The following MAST4 variants were observed in gnomAD, a reference collection of about 807,000 sequenced individuals.
MAST4 encodes the protein microtubule-associated serine/threonine-protein kinase 4.
In MAST4, 89 loss-of-function variants were observed where a neutral mutation model predicts 162.7. The ratio of observed to expected loss-of-function variants is 0.55; its 90% CI spans 0.46 to 0.65. The LOEUF is 0.65. MAST4 is among the 30% of genes least tolerant of loss of function. The pLI, the probability that MAST4 is intolerant of heterozygous loss-of-function variation, is 0.00. For missense variants in MAST4, 3,153 were observed against 3,374.0 expected, an observed-to-expected ratio of 0.93 and a Z score of 1.62; for synonymous variants, 1,479 against 1,361.1, an observed-to-expected ratio of 1.09 and a Z score of -1.91.
rs535627182 is a variant in MAST4 at position 67,096,994 on chromosome 5, G to A, written c.912+1319G>A. On this transcript the variant is annotated intron_variant, in intron 7 of 28. Coordinates refer to ENST00000403625, the MANE Select transcript of MAST4 (RefSeq NM_001164664.2). ...TTGATTCTTATGGCAGTCACTATCA[G>A]TGGTTATTGGCCAATATTTTAGACG... 1.3e-5 allele frequency among the ~76,000 whole-genome samples: 2 copies of A among 152,244 alleles called. 1 individual carries two copies. The highest frequency in any genetic ancestry group is 4.1e-4 in the South Asian group (2 of 4,826).
intron 1 of MAST4, among the ~76,000 whole-genome samples, chr5:66,653,117 C>G (rs1347760885): frequency 6.6e-6 from 1 of 152,146 alleles, no homozygotes; most frequent in South Asian, 2.1e-4. Flanking sequence ...TTAAGTGTTA[C>G]CAGTTGGTAT....
At chr5:67,132,075 G>T in intron 16 of MAST4, 124 bp downstream of exon 16, 1 of 1,085,478 alleles carries the variant, frequency 9.2e-7, no homozygotes, top group Non-Finnish European at 1.3e-6. Context: ...AAAATGAGTT[G>T]TTTTAACAGT....
intron 11 of MAST4, among the ~76,000 whole-genome samples, chr5:67,111,978 T>C (rs1274035494): frequency 1.3e-5 from 2 of 152,092 alleles, no homozygotes; most frequent in African/African-American, 4.8e-5. Flanking sequence ...CTGTCAGTCA[T>C]TGTAGTAGGT....
chr5:66,989,011 A>G (rs1561508456), intron 4 of MAST4, among the ~76,000 whole-genome samples: 1 of 152,176 alleles, frequency 6.6e-6, no homozygotes, highest in Non-Finnish European at 1.5e-5. Flanking sequence ...AATAATTTCT[A>G]TTTTAGATCT....
At chr5:66,719,198 C>G (rs1330879225) in intron 1 of MAST4, among the ~76,000 whole-genome samples, 1 of 152,186 alleles carries the variant, frequency 6.6e-6, no homozygotes, top group Non-Finnish European at 1.5e-5. Context: ...CAAAAGGCAC[C>G]GCCTTGGGTA....
intron 4 of MAST4, among the ~76,000 whole-genome samples, chr5:66,900,604 C>G (rs1762947610): frequency 6.6e-6 from 1 of 151,828 alleles, no homozygotes; most frequent in Admixed American, 6.6e-5. Flanking sequence ...AATTAACTAC[C>G]CTCAATTAAG....
chr5:67,017,700 T>C (rs1486267420), intron 4 of MAST4, among the ~76,000 whole-genome samples: 1 of 150,664 alleles, frequency 6.6e-6, no homozygotes, highest in African/African-American at 2.4e-5. Flanking sequence ...GCCTCCCAGG[T>C]TCAAGTGATT....
chr5:66,928,251 C>T (rs1367152308), intron 4 of MAST4, among the ~76,000 whole-genome samples: 1 of 152,128 alleles, frequency 6.6e-6, no homozygotes, highest in Admixed American at 6.5e-5. Flanking sequence ...TAGACATGGC[C>T]CAATTGAGCA....
chr5:66,829,109 TTGG>T (rs1306724231), intron 3 of MAST4, among the ~76,000 whole-genome samples: 3 of 152,068 alleles, frequency 2.0e-5, no homozygotes, highest in Non-Finnish European at 2.9e-5. Context: ...GTTTGACACT[TTGG>T]TGGTTTGTTT....
chr5:66,675,536 T>C (rs1053566925), intron 1 of MAST4, among the ~76,000 whole-genome samples: 1 of 152,144 alleles, frequency 6.6e-6, no homozygotes, highest in Non-Finnish European at 1.5e-5. Context: ...GTACAAGTCA[T>C]AACTGATTGA....
At chr5:66,834,103 C>G (rs914890426) in intron 3 of MAST4, among the ~76,000 whole-genome samples, 7 of 152,144 alleles carry the variant, frequency 4.6e-5, no homozygotes, top group Admixed American at 4.6e-4. Flanking sequence ...TAATTAAATA[C>G]GGGTATCAGG....
chr5:66,685,286 C>CAAAACAAAAT (rs1248300163), intron 1 of MAST4, among the ~76,000 whole-genome samples: 1 of 150,754 alleles, frequency 6.6e-6, no homozygotes, highest in Non-Finnish European at 1.5e-5. Context: ...CAAAACAAAA[C>CAAAACAAAAT]AAAACAAAAC....
intron 4 of MAST4, chr5:66,959,389 C>A: frequency 1.3e-6 from 1 of 756,244 alleles, no homozygotes; most frequent in Non-Finnish European, 2.5e-6. Context: ...GTACTGACAG[C>A]CTCAGAGCAC....
At chr5:66,735,666 T>C (rs1044871814) in intron 1 of MAST4, among the ~76,000 whole-genome samples, 1 of 152,214 alleles carries the variant, frequency 6.6e-6, no homozygotes, top group African/African-American at 2.4e-5. Flanking sequence ...GTGAATATGT[T>C]TTTATATGTA....
chr5:66,841,008 T>C (rs924112589), intron 3 of MAST4, among the ~76,000 whole-genome samples: 6 of 152,358 alleles, frequency 3.9e-5, no homozygotes, highest in East Asian at 1.9e-4. Flanking sequence ...GTTTGAATGT[T>C]GGCCCACCAC....
chr5:67,054,586 C>G, intron 5 of MAST4, 94 bp downstream of exon 5: 1 of 1,100,876 alleles, frequency 9.1e-7, no homozygotes, highest in Non-Finnish European at 1.3e-6. Flanking sequence ...TATGTCTTCA[C>G]ATGTTATCTT....
chr5:66,773,166 G>C lies in MAST4; in HGVS notation c.517+13304G>C, dbSNP rs114664874. The stretch of plus-strand genomic sequence containing the variant: ...TGCTGACTCTAAGTCAGTTCCACAG[G>C]AAAAAGAGTAGGTCAAGAAATGCAA... On this transcript the variant is annotated intron_variant, in intron 2 of 28. Transcript: ENST00000403625. 1.6e-3 allele frequency among the ~76,000 whole-genome samples: 244 copies of C among 152,256 alleles called. 1 individual carries two copies. The highest frequency in any genetic ancestry group is 2.5e-3 in the Non-Finnish European group (168 of 68,024).
rs375637998 is a variant in MAST4 at position 67,167,051 on chromosome 5, A to G, written c.7872A>G (p.Ter2624=). The G allele has an allele frequency of 2.2e-5, 35 of 1,575,108 alleles. No individual in the cohort carries two copies. Among genetic ancestry groups the G allele is most frequent in the Middle Eastern group, 1.7e-4 (1 of 5,860 alleles). Residue 2624 remains the stop codon, a stop_retained_variant, in exon 29 of 29, where the codon TAA becomes TAG. Coordinates refer to ENST00000403625, the MANE Select transcript of MAST4 (RefSeq NM_001164664.2). Reference sequence around the variant, plus strand: ...GCAGCCCTCACAAAAAGGCCTTGTAACGGGGAGGGCCCAGGGGCAGGACTG... The same window carrying G: ...GCAGCCCTCACAAAAAGGCCTTGTAGCGGGGAGGGCCCAGGGGCAGGACTG... ...LRSSPHKKAL[*] is the part of the protein sequence containing the mutation.
chr5:66,708,006 G>A (rs956183390), intron 1 of MAST4, among the ~76,000 whole-genome samples: 1 of 152,110 alleles, frequency 6.6e-6, no homozygotes, highest in Non-Finnish European at 1.5e-5. Flanking sequence ...CTCTTTACAC[G>A]TCAACTCTGG....
Sources: gnomAD v4.1 joint callset for allele counts (sites outside exome capture counted in the v4.1 genomes callset) on GRCh38, gnomAD v4.1.1 for gene constraint, MANE v1.5 for transcripts, NCBI Gene and HGNC (gene_info 2026-07-23, HGNC 2026-07-21) for gene names.